The following ZFHX3 variants were observed in gnomAD, a reference collection of about 807,000 sequenced individuals.
The protein encoded by ZFHX3 is zinc finger homeobox protein 3.
ZFHX3 carries 42 observed loss-of-function variants against 279.1 expected under a neutral mutation model. That is an observed-to-expected ratio of 0.15 (90% CI 0.12 to 0.19). The LOEUF is 0.19. ZFHX3 is among the 10% of genes least tolerant of loss of function. The pLI is 1.00. For missense variants in ZFHX3, 4,981 were observed against 4,754.0 expected (o/e 1.05, Z -1.40); for synonymous variants, 2,293 against 1,957.8 (o/e 1.17, Z -4.52).
intron 7 of ZFHX3, among the ~76,000 whole-genome samples, chr16:73,130,423 C>T (rs1036113442): frequency 2.0e-5 from 3 of 152,176 alleles, no homozygotes; most frequent in African/African-American, 4.8e-5. Flanking sequence ...TCCCTGGCAC[C>T]ATACACTCTT....
intron 7 of ZFHX3, among the ~76,000 whole-genome samples, chr16:73,105,006 G>A (rs987936336): frequency 6.6e-6 from 1 of 152,114 alleles, no homozygotes; most frequent in South Asian, 2.1e-4. Flanking sequence ...CCTGCGGAGG[G>A]AAGAGGACTA....
intron 2 of ZFHX3, among the ~76,000 whole-genome samples, chr16:73,572,800 AC>A (rs2051755651): frequency 6.6e-6 from 1 of 152,166 alleles, no homozygotes; most frequent in Non-Finnish European, 1.5e-5. Context: ...ATTACAGGGA[AC>A]CCTTCCTCCC....
intron 2 of ZFHX3, among the ~76,000 whole-genome samples, chr16:73,522,921 C>T (rs2143709949): frequency 6.6e-6 from 1 of 152,252 alleles, no homozygotes; most frequent in African/African-American, 2.4e-5. Flanking sequence ...GGGGAAGCTC[C>T]TTATAAAACC....
chr16:72,804,703 G>A (rs1293317870), intron 7 of ZFHX3, among the ~76,000 whole-genome samples: 2 of 152,248 alleles, frequency 1.3e-5, no homozygotes, highest in African/African-American at 4.8e-5. Flanking sequence ...CTCCCACTCT[G>A]ACATTTGGGA....
intron 5 of ZFHX3, among the ~76,000 whole-genome samples, chr16:72,812,796 G>A (rs989089000): frequency 3.9e-5 from 6 of 152,152 alleles, no homozygotes; most frequent in African/African-American, 1.4e-4. Flanking sequence ...AAAACCAAAC[G>A]CTATTTAAAG....
intron 1 of ZFHX3, among the ~76,000 whole-genome samples, chr16:72,968,829 C>T (rs965894006): frequency 2.0e-5 from 3 of 152,084 alleles, no homozygotes; most frequent in African/African-American, 7.2e-5. Context: ...TTAAAATACA[C>T]ACTGGTATAT....
At chr16:73,401,692 T>C (rs2017258764) in intron 3 of ZFHX3, 1 of 152,164 alleles carries the variant, frequency 6.6e-6, no homozygotes, top group Non-Finnish European at 1.5e-5. Flanking sequence ...TTATAAAAAC[T>C]GGAAAGTGTA....
intron 3 of ZFHX3, among the ~76,000 whole-genome samples, chr16:73,451,900 T>A (rs2018286868): frequency 6.6e-6 from 1 of 152,196 alleles, no homozygotes; most frequent in Admixed American, 6.5e-5. Context: ...ACTTTCTTCT[T>A]GAAAAATATC....
chr16:73,523,758 C>T (rs751679189), intron 2 of ZFHX3, among the ~76,000 whole-genome samples: 2 of 151,970 alleles, frequency 1.3e-5, no homozygotes, highest in Admixed American at 6.6e-5. Context: ...GCATCTACCT[C>T]GTTCCTGTTC....
chr16:73,622,475 T>C (rs2052372742), intron 2 of ZFHX3, among the ~76,000 whole-genome samples: 1 of 151,988 alleles, frequency 6.6e-6, no homozygotes, highest in Non-Finnish European at 1.5e-5. Context: ...GGTGGGAGAA[T>C]GGTGTGAACC....
intron 4 of ZFHX3, among the ~76,000 whole-genome samples, chr16:72,844,224 C>T (rs2037420660): frequency 6.6e-6 from 1 of 152,184 alleles, no homozygotes; most frequent in Non-Finnish European, 1.5e-5. Context: ...CAAGTAATTG[C>T]TTTTTCCCCT....
exon 6 of ZFHX3, chr16:73,143,757 T>C (rs1567401223): frequency 1.5e-6 from 2 of 1,305,644 alleles, no homozygotes; most frequent in Non-Finnish European, 2.0e-6. Flanking sequence ...CTCACCTCTC[T>C]AATTCCGGCA....
chr16:73,062,953 C>T (rs1431291789), upstream of ZFHX3, among the ~76,000 whole-genome samples: 1 of 152,270 alleles, frequency 6.6e-6, no homozygotes, highest in African/African-American at 2.4e-5. Context: ...CGAAGTGCAT[C>T]TGTCTGGGTA....
upstream of ZFHX3, among the ~76,000 whole-genome samples, chr16:73,059,959 A>C (rs1352031227): frequency 6.6e-6 from 1 of 152,190 alleles, no homozygotes; most frequent in Non-Finnish European, 1.5e-5. Flanking sequence ...AGACAAGAAA[A>C]GGAAAAGTTG....
chr16:73,249,816 C>T (rs1221130852), intron 5 of ZFHX3, among the ~76,000 whole-genome samples: 2 of 125,894 alleles, frequency 1.6e-5, no homozygotes, highest in African/African-American at 6.4e-5. Context: ...ATGAATTGAA[C>T]AGGCACTTCA....
At chr16:73,063,224 G>C (rs1049571145), upstream of ZFHX3, among the ~76,000 whole-genome samples, 1 of 152,352 alleles carries the variant, frequency 6.6e-6, no homozygotes, top group East Asian at 1.9e-4. Flanking sequence ...CCGGGGAAGG[G>C]GCTGCTCTCA....
At chr16:73,419,060 C>A (rs1567478465) in intron 3 of ZFHX3, among the ~76,000 whole-genome samples, 2 of 152,312 alleles carry the variant, frequency 1.3e-5, no homozygotes, top group Non-Finnish European at 2.9e-5. Flanking sequence ...AGGTTTTGGA[C>A]AACTTCAGCG....
rs2035487578 is a variant in ZFHX3 at position 72,787,741 on chromosome 16, C to T, written c.10535G>A (p.Gly3512Asp). The T allele has an allele frequency of 7.3e-7, 1 of 1,375,658 alleles. No homozygotes were observed. Among genetic ancestry groups the T allele is most frequent in the Non-Finnish European group, 9.5e-7 (1 of 1,048,630 alleles). The allele number at this position is 1,375,658 out of a possible 1,614,324, so 85.2% of individuals were successfully genotyped here. A position where few individuals can be genotyped will look rare whatever the true frequency, so the allele number is the denominator to read the frequency against. ...GCCACCGCCGCCGCCGCCGCCACTG[C>T]CACCGCCGCCGCCGCCGGTGGGGAC... is the stretch of plus-strand genomic sequence containing the variant. ...LHVPTGGGGGGSGGGGGGGGG... is the reference protein window; with the variant it reads ...LHVPTGGGGGDSGGGGGGGGG... The change falls in exon 10 of 10, where the codon GGC becomes GAC. Residue 3512 changes from glycine to aspartate, a missense_variant. Physicochemically the swap from Gly to Asp is moderately conservative, Grantham distance 94. This residue lies in a region of ZFHX3 where 1,034 missense variants were observed against 786.0 expected (regional missense o/e 1.32). Coordinates refer to ENST00000268489, the MANE Select transcript of ZFHX3 (RefSeq NM_006885.4).
At position 73,535,177 on chromosome 16, in the gene ZFHX3, C is replaced by G. The variant is rs536796074; in HGVS notation, c.-1546-78919G>C. On this transcript the variant is annotated intron_variant, in intron 2 of 17. Transcript: ENST00000641206. ...AAAAGTTGTACAATAAGTAGCACCC[C>G]ATAATAGCCTAATTTCACCAGAAAT... Among the ~76,000 whole-genome samples, 5 of 152,258 alleles carry G rather than the reference C, an allele frequency of 3.3e-5. 1 individual carries two copies. The South Asian group carries it at 1.0e-3, about 32-fold the overall frequency.
Sources: gnomAD v4.1 joint callset for allele counts (sites outside exome capture counted in the v4.1 genomes callset) on GRCh38, gnomAD v4.1.1 for gene constraint, gnomAD v4.1.1 regional missense constraint, MANE v1.5 for transcripts, NCBI Gene and HGNC (gene_info 2026-07-23, HGNC 2026-07-21) for gene names.